The following DPYSL2 variants were observed in gnomAD, a reference collection of about 807,000 sequenced individuals.
DPYSL2 encodes the protein dihydropyrimidinase like 2, also known as dihydropyrimidinase-related protein 2.
DPYSL2 carries 13 observed loss-of-function variants against 69.9 expected under a neutral mutation model. The ratio of observed to expected loss-of-function variants is 0.19; its 90% CI spans 0.12 to 0.30. The LOEUF is 0.30. Among genes scored for constraint, DPYSL2 ranks in the 10% least tolerant of loss-of-function variants. DPYSL2 has a pLI of 1.00. For synonymous variants in DPYSL2, 326 were observed against 359.1 expected, an observed-to-expected ratio of 0.91 and a Z score of 1.04; for missense variants, 587 against 918.9, an observed-to-expected ratio of 0.64 and a Z score of 4.67.
chr8:26,651,007 C>T (rs574671152), intron 11 of DPYSL2, among the ~76,000 whole-genome samples: 2 of 152,304 alleles, frequency 1.3e-5, no homozygotes, highest in East Asian at 1.9e-4. Context: ...CGCGTGGCTC[C>T]GGCTGCTATA....
intron 1 of DPYSL2, among the ~76,000 whole-genome samples, chr8:26,532,378 A>G (rs1254381503): frequency 1.3e-5 from 2 of 152,188 alleles, no homozygotes; most frequent in Admixed American, 1.3e-4. Context: ...TACTATTGAA[A>G]TATTTTTCAC....
intron 3 of DPYSL2, among the ~76,000 whole-genome samples, chr8:26,592,707 C>A (rs62491915): frequency 0.028 from 4,318 of 151,864 alleles, 91 homozygotes; most frequent in Middle Eastern, 0.068. Flanking sequence ...GAACTCCTGA[C>A]CTCAGGTGAT....
chr8:26,578,431 G>T, intron 1 of DPYSL2: 1 of 1,530,440 alleles, frequency 6.5e-7, no homozygotes, highest in Non-Finnish European at 8.7e-7. Context: ...GGAGGCGATG[G>T]TGATGGTGGT....
chr8:26,559,638 A>G (rs575834671), intron 1 of DPYSL2, among the ~76,000 whole-genome samples: 1 of 152,278 alleles, frequency 6.6e-6, no homozygotes, highest in African/African-American at 2.4e-5. Context: ...GTAATTTGGA[A>G]TGTTCATCTT....
intron 1 of DPYSL2, among the ~76,000 whole-genome samples, chr8:26,581,207 A>G (rs1324045118): frequency 1.3e-5 from 2 of 152,108 alleles, no homozygotes; most frequent in African/African-American, 4.8e-5. Flanking sequence ...GGTTGAACCC[A>G]GTGTATTTGT....
In DPYSL2 at chr8:26,634,889, C is replaced by G. The variant is rs944330260; in HGVS notation, c.1115C>G (p.Ala372Gly). The change falls in exon 8 of 14, where the codon GCA (alanine) becomes GGA (glycine). Residue 372 changes from alanine (A) to glycine (G), a missense_variant. Physicochemically the swap from Ala to Gly is moderately conservative, Grantham distance 60 (BLOSUM62 0). Around this residue, in one of 3 missense-constraint regions of DPYSL2, gnomAD observed 452 missense variants for 754.3 expected, o/e 0.60. Coordinates refer to ENST00000521913, the MANE Select transcript of DPYSL2 (RefSeq NM_001197293.3). ...AGCTCTGCTGAGGTCATCGCCCAGG[C>G]ACGGAAGAAGGGTGAGTGCTGTGGC... ...SKSSAEVIAQ[A>G]RKKGTVVYGE... The G allele has an allele frequency of 1.2e-6, 2 of 1,614,198 alleles. No individual in the cohort carries two copies. Among genetic ancestry groups the G allele is most frequent in the Non-Finnish European group, 1.7e-6 (2 of 1,180,028 alleles).
At chr8:26,541,573 G>A (rs1269876434) in intron 1 of DPYSL2, among the ~76,000 whole-genome samples, 1 of 152,098 alleles carries the variant, frequency 6.6e-6, no homozygotes, top group Non-Finnish European at 1.5e-5. Context: ...CTGTAAAGAT[G>A]GTATGTAAAT....
At chr8:26,638,519 G>A (rs1432866680) in intron 8 of DPYSL2, among the ~76,000 whole-genome samples, 1 of 152,152 alleles carries the variant, frequency 6.6e-6, no homozygotes, top group Non-Finnish European at 1.5e-5. Flanking sequence ...GCTTGAGCCA[G>A]CACGACTGCA....
chr8:26,629,892 C>T (rs945635613), intron 7 of DPYSL2, among the ~76,000 whole-genome samples: 2 of 152,330 alleles, frequency 1.3e-5, no homozygotes, highest in East Asian at 1.9e-4. Flanking sequence ...CCACCGCGCC[C>T]GGCCGAGGCT....
At chr8:26,542,810 C>G (rs1428315304) in intron 1 of DPYSL2, among the ~76,000 whole-genome samples, 1 of 152,172 alleles carries the variant, frequency 6.6e-6, no homozygotes, top group African/African-American at 2.4e-5. Flanking sequence ...TCCACAATCA[C>G]AAGCAGCTTA....
In DPYSL2 at chr8:26,582,441, T is replaced by C. The variant is rs1801512069; in HGVS notation, c.443+384T>C. ...CAAACGTGAAAGACAGTCTCCTCTATTGAGACAGCACATCTGCTTTCTTCA... is the reference window on the plus strand; with the variant it reads ...CAAACGTGAAAGACAGTCTCCTCTACTGAGACAGCACATCTGCTTTCTTCA... On this transcript the variant is annotated intron_variant, in intron 2 of 13. Transcript: ENST00000521913. This position sits in a 1 kb window ranked among gnomAD's most constrained non-coding sequence, Gnocchi z 4.1. 2.0e-5 allele frequency among the ~76,000 whole-genome samples: 3 copies of C among 152,234 alleles called. No homozygotes were observed. Among genetic ancestry groups the C allele is most frequent in the Admixed American group, 6.5e-5 (1 of 15,288 alleles).
chr8:26,553,625 C>T (rs182716854), intron 1 of DPYSL2, among the ~76,000 whole-genome samples: 6 of 152,162 alleles, frequency 3.9e-5, no homozygotes, highest in African/African-American at 1.4e-4. Context: ...ATCCAATGTA[C>T]AGTGGTCATT....
chr8:26,547,186 A>G (rs554179255), intron 1 of DPYSL2, among the ~76,000 whole-genome samples: 2 of 151,624 alleles, frequency 1.3e-5, no homozygotes, highest in Non-Finnish European at 2.9e-5. Flanking sequence ...AATGTGGCGA[A>G]ATCCTGTCTC....
chr8:26,638,997 C>G (rs952845125), intron 8 of DPYSL2, among the ~76,000 whole-genome samples: 1 of 152,206 alleles, frequency 6.6e-6, no homozygotes, highest in African/African-American at 2.4e-5. Flanking sequence ...GATGGACATT[C>G]TTTTCCGTCC....
At chr8:26,541,458 T>C (rs548397647) in intron 1 of DPYSL2, among the ~76,000 whole-genome samples, 5 of 152,312 alleles carry the variant, frequency 3.3e-5, no homozygotes, top group African/African-American at 1.2e-4. Context: ...CTTCTTCAAA[T>C]TGAAATAAAA....
At chr8:26,578,635 C>G in intron 1 of DPYSL2, 2 of 1,148,094 alleles carry the variant, frequency 1.7e-6, no homozygotes, top group Non-Finnish European at 2.2e-6. Context: ...ATATGCATGC[C>G]TGGAGCTCGG....
chr8:26,519,691 C>G (rs1360337308), intron 1 of DPYSL2, among the ~76,000 whole-genome samples: 1 of 151,958 alleles, frequency 6.6e-6, no homozygotes, highest in Non-Finnish European at 1.5e-5. Flanking sequence ...ATTTCCTAAT[C>G]TAGTATCGTA....
chr8:26,577,301 G>A (rs371076768), intron 1 of DPYSL2: 20 of 254,644 alleles, frequency 7.9e-5, no homozygotes, highest in East Asian at 5.1e-4. Context: ...GGGCGTGGCC[G>A]GGCCCTCCCC....
intron 3 of DPYSL2, 156 bp from the exon 4 acceptor site, chr8:26,623,987 A>C (rs978358354): frequency 4.0e-6 from 3 of 744,378 alleles, no homozygotes; most frequent in Non-Finnish European, 6.5e-6. Flanking sequence ...TTGGATAATC[A>C]GCTGGGTTAC....
Sources: gnomAD v4.1 joint callset for allele counts (sites outside exome capture counted in the v4.1 genomes callset) on GRCh38, gnomAD v4.1.1 for gene constraint, gnomAD v4.1.1 regional missense constraint, Gnocchi (gnomAD v3.1) non-coding constraint, MANE v1.5 for transcripts, NCBI Gene and HGNC (gene_info 2026-07-23, HGNC 2026-07-21) for gene names.